ZC4H2: variants seen among roughly 807,000 people sequenced by gnomAD.
ZC4H2 encodes zinc finger C4H2-type containing, also known as zinc finger C4H2 domain-containing protein.
For missense variants in ZC4H2, 137 were observed against 173.9 expected, an observed-to-expected ratio of 0.79 and a Z score of 1.19; for synonymous variants, 84 against 66.3, an observed-to-expected ratio of 1.27 and a Z score of -1.30.
intron 1 of ZC4H2, among the ~76,000 whole-genome samples, chrX:64,953,006 G>T (rs1282473668): frequency 1.8e-5 from 2 of 111,584 alleles, no homozygotes; most frequent in African/African-American, 6.5e-5. Flanking sequence ...AGAACCCTCA[G>T]AAATAATGCC....
intron 1 of ZC4H2, among the ~76,000 whole-genome samples, chrX:64,927,749 CA>C: frequency 8.9e-6 from 1 of 112,511 alleles, no homozygotes; most frequent in Non-Finnish European, 1.9e-5. Context: ...CTTCCACCAA[CA>C]GTGTAAACAC....
chrX:64,940,509 G>A (rs1441951973), intron 1 of ZC4H2, among the ~76,000 whole-genome samples: 2 of 110,680 alleles, frequency 1.8e-5, no homozygotes, highest in Non-Finnish European at 3.8e-5. Flanking sequence ...TACTGCCTGG[G>A]TTTTCTTTTT....
In ZC4H2 at chrX:64,919,202, T is replaced by A. The variant is rs1255319957; in HGVS notation, c.401A>T (p.Tyr134Phe). ...CEEEEKLSLD[Y>F]FEKQKAEWQT... ...CCATTCTGCTTTCTGCTTCTCAAAGTAACTTTGGAGATGAGAGACACTGGC... is the reference window on the plus strand; with the variant it reads ...CCATTCTGCTTTCTGCTTCTCAAAGAAACTTTGGAGATGAGAGACACTGGC... The change falls in exon 4 of 5, where the codon TAC becomes TTC. Residue 134 changes from tyrosine to phenylalanine, a missense_variant and splice_region_variant. Tyr to Phe is a conservative substitution (Grantham distance 22). Coordinates refer to ENST00000374839, the MANE Select transcript of ZC4H2 (RefSeq NM_018684.4). The A allele has an allele frequency of 1.7e-6, 2 of 1,209,120 alleles. No individual in the cohort carries two copies. The highest frequency in any genetic ancestry group is 2.2e-6 in the Non-Finnish European group (2 of 894,961).
intron 1 of ZC4H2, among the ~76,000 whole-genome samples, chrX:64,942,149 A>T (rs971973498): frequency 6.3e-5 from 7 of 110,866 alleles, no homozygotes; most frequent in African/African-American, 2.3e-4. Flanking sequence ...AAATTTATCC[A>T]TTTCTTCTAG....
At chrX:64,964,551 G>T (rs1931519898) in intron 1 of ZC4H2, among the ~76,000 whole-genome samples, 1 of 111,466 alleles carries the variant, frequency 9.0e-6, no homozygotes, top group African/African-American at 3.3e-5. Context: ...TGCCAATATA[G>T]AATTATTTAC....
At chrX:65,032,939 G>A (rs1417733974) in intron 1 of ZC4H2, among the ~76,000 whole-genome samples, 2 of 111,227 alleles carry the variant, frequency 1.8e-5, no homozygotes, top group African/African-American at 3.3e-5. Flanking sequence ...ACCACGCCTG[G>A]CTAATTTTTG....
chrX:64,991,730 A>G (rs976899688), intron 1 of ZC4H2, among the ~76,000 whole-genome samples: 1 of 112,316 alleles, frequency 8.9e-6, no homozygotes, highest in African/African-American at 3.2e-5. Context: ...GTGAATGTTC[A>G]TAGCAGCATT....
intron 1 of ZC4H2, among the ~76,000 whole-genome samples, chrX:64,948,820 T>TA (rs1252030296): frequency 8.9e-6 from 1 of 112,180 alleles, no homozygotes; most frequent in Non-Finnish European, 1.9e-5. Context: ...CATGGGAATG[T>TA]AAATGTTTGC....
chrX:64,961,014 T>C (rs1286157772), intron 1 of ZC4H2, among the ~76,000 whole-genome samples: 1 of 111,501 alleles, frequency 9.0e-6, no homozygotes, highest in African/African-American at 3.3e-5. Flanking sequence ...TGATTTTCTG[T>C]CCGACTGTTC....
intron 1 of ZC4H2, among the ~76,000 whole-genome samples, chrX:65,005,091 C>G (rs1932628754): frequency 9.0e-6 from 1 of 111,501 alleles, no homozygotes; most frequent in Non-Finnish European, 1.9e-5. Context: ...AGGATACAAA[C>G]AAATGGAAAA....
intron 1 of ZC4H2, among the ~76,000 whole-genome samples, chrX:64,942,489 AC>A (rs1930335361): frequency 2.3e-5 from 1 of 43,617 alleles, no homozygotes; most frequent in Admixed American, 2.7e-4. Context: ...TTGCCCCCCC[AC>A]CCCCCAACAG....
chrX:65,014,687 A>G (rs1375917325), intron 1 of ZC4H2, among the ~76,000 whole-genome samples: 2 of 112,043 alleles, frequency 1.8e-5, no homozygotes, highest in Admixed American at 9.5e-5. Flanking sequence ...ACTATCTCCA[A>G]AGATTAAATG....
chrX:64,940,920 C>T (rs1195613581), intron 1 of ZC4H2, among the ~76,000 whole-genome samples: 3 of 111,615 alleles, frequency 2.7e-5, no homozygotes, highest in Admixed American at 9.5e-5. Flanking sequence ...AGTACTTTTT[C>T]CTAATTCTGT....
chrX:64,952,559 C>T (rs1930907540), intron 1 of ZC4H2, among the ~76,000 whole-genome samples: 1 of 110,920 alleles, frequency 9.0e-6, no homozygotes, highest in Admixed American at 9.7e-5. Context: ...GAGTGAACTC[C>T]CTTTCACAGT....
chrX:64,985,693 G>A (rs1932170628), intron 1 of ZC4H2, among the ~76,000 whole-genome samples: 1 of 111,583 alleles, frequency 9.0e-6, no homozygotes, highest in East Asian at 2.8e-4. Flanking sequence ...CTCTACCAGG[G>A]AGAATCTGAA....
chrX:64,944,285 T>C (rs1380742474), intron 1 of ZC4H2, among the ~76,000 whole-genome samples: 1 of 108,650 alleles, frequency 9.2e-6, no homozygotes, highest in Non-Finnish European at 1.9e-5. Flanking sequence ...GGACTACAGG[T>C]GCCTGCCACC....
Position 65,029,028 on chromosome X carries a change from T to C in ZC4H2, c.-272+5601A>G, listed in dbSNP as rs1442279488. On this transcript the variant is annotated intron_variant, in intron 1 of 4. Coordinates refer to the ZC4H2 transcript ENST00000337990. ...GTAATATATATTTTAAAGTCATCCA[T>C]GTGCAGGTAATAGAGCATGGAGAGT... Among the ~76,000 whole-genome samples, 3 of 110,762 alleles carry C rather than the reference T, an allele frequency of 2.7e-5. No homozygotes were observed. The East Asian group carries it at 8.5e-4, about 31-fold the overall frequency.
rs1221599587 is a variant in ZC4H2 at position 64,916,176 on chromosome X, G to T, written c.*1607C>A. On this transcript the variant is annotated 3_prime_UTR_variant, in exon 5 of 5. Transcript: ENST00000374839. ...TCAGTATCCCTTTTTTTTTAAAATGGTGATAAGAATACTTAGCTTGTAAGG... is the reference window on the plus strand; with the variant it reads ...TCAGTATCCCTTTTTTTTTAAAATGTTGATAAGAATACTTAGCTTGTAAGG... The T allele has an allele frequency of 9.0e-6, 1 of 111,214 alleles. No homozygotes were observed. The highest frequency in any genetic ancestry group is 3.3e-5 in the African/African-American group (1 of 30,576). The allele number at this position is 111,214 out of a possible 1,213,427, so 9.2% of individuals were successfully genotyped here. A position where few individuals can be genotyped will look rare whatever the true frequency, so the allele number is the denominator to read the frequency against.
chrX:64,980,548 C>T (rs1932061754), upstream of ZC4H2, among the ~76,000 whole-genome samples: 2 of 112,171 alleles, frequency 1.8e-5, no homozygotes, highest in Non-Finnish European at 3.8e-5. Context: ...ACACTTACTA[C>T]ATGCCAGGCA....
Sources: gnomAD v4.1 joint callset for allele counts (sites outside exome capture counted in the v4.1 genomes callset) on GRCh38, gnomAD v4.1.1 for gene constraint, MANE v1.5 for transcripts, NCBI Gene and HGNC (gene_info 2026-07-23, HGNC 2026-07-21) for gene names.